The following MAP3K4 variants were observed in gnomAD, a reference collection of about 807,000 sequenced individuals.
The protein encoded by MAP3K4 is mitogen-activated protein kinase kinase kinase 4, also known as MAP three kinase 1.
Under a neutral mutation model 185.6 loss-of-function variants are expected in MAP3K4, and 67 were observed. That is an observed-to-expected ratio of 0.36 (90% CI 0.30 to 0.44). MAP3K4 has a LOEUF of 0.44. MAP3K4 is among the 20% of genes least tolerant of loss of function. The pLI is 1.00. For missense variants in MAP3K4, 1,551 were observed against 1,995.1 expected (o/e 0.78, Z 4.24); for synonymous variants, 702 against 710.4 (o/e 0.99, Z 0.19).
intron 6 of MAP3K4, among the ~76,000 whole-genome samples, 165 bp downstream of exon 6, chr6:161,081,203 G>GT (rs1314763325): frequency 4.0e-5 from 6 of 151,570 alleles, no homozygotes; most frequent in Non-Finnish European, 8.8e-5. Context: ...GTGTTTCTCA[G>GT]TCAGGGGTGA....
intron 1 of MAP3K4, among the ~76,000 whole-genome samples, chr6:161,033,002 T>C (rs1783001702): frequency 6.6e-6 from 1 of 152,170 alleles, no homozygotes; most frequent in South Asian, 2.1e-4. Flanking sequence ...TACTGTAAAT[T>C]TTTATAATTC....
In MAP3K4 at chr6:161,034,649, G is replaced by A. The variant is rs1020846753; in HGVS notation, c.343+200G>A. ...CCAGAGATAGAAACGTTTGTCCTGAGTAATGGTTAAAGCCAGCAATGCACG... is the reference window on the plus strand; with the variant it reads ...CCAGAGATAGAAACGTTTGTCCTGAATAATGGTTAAAGCCAGCAATGCACG... On this transcript the variant is annotated intron_variant, in intron 2 of 26. Coordinates refer to ENST00000392142, the MANE Select transcript of MAP3K4 (RefSeq NM_005922.4). This position sits in a 1 kb window ranked among gnomAD's most constrained non-coding sequence, Gnocchi z 4.4. 4.6e-5 allele frequency among the ~76,000 whole-genome samples: 7 copies of A among 152,112 alleles called. No individual in the cohort carries two copies. Among genetic ancestry groups the A allele is most frequent in the Non-Finnish European group, 1.0e-4 (7 of 68,030 alleles).
At chr6:161,105,509 C>G (rs1333554358) in intron 19 of MAP3K4, among the ~76,000 whole-genome samples, 5 of 152,196 alleles carry the variant, frequency 3.3e-5, no homozygotes, top group Non-Finnish European at 4.4e-5. Context: ...CATTTTGATT[C>G]TAGAGCCCTT....
chr6:160,993,061 G>C (rs1193324306), intron 1 of MAP3K4, among the ~76,000 whole-genome samples: 1 of 152,172 alleles, frequency 6.6e-6, no homozygotes, highest in Admixed American at 6.5e-5. Context: ...CCTGCTTAAA[G>C]AAAATTCACA....
chr6:161,013,860 G>A (rs1456150073), intron 1 of MAP3K4, among the ~76,000 whole-genome samples: 1 of 152,212 alleles, frequency 6.6e-6, no homozygotes, highest in Non-Finnish European at 1.5e-5. Flanking sequence ...GAAAGGGGCA[G>A]TAACTCCTGG....
In MAP3K4 at chr6:161,053,304, C is replaced by T. The variant is rs1029630490; in HGVS notation, c.1707+3325C>T. Among the ~76,000 whole-genome samples, 9 of 152,170 alleles carry T rather than the reference C, an allele frequency of 5.9e-5. No homozygotes were observed. Among genetic ancestry groups the T allele is most frequent in the Non-Finnish European group, 8.8e-5 (6 of 68,038 alleles). ...ACAGCACCAATGGGATGGTACTAAA[C>T]GGTCACCTCCCACCAGGCCCCACCC... On this transcript the variant is annotated intron_variant, in intron 3 of 26. Coordinates refer to ENST00000392142, the MANE Select transcript of MAP3K4 (RefSeq NM_005922.4). The surrounding 1 kb of genome is among the most constrained non-coding windows in gnomAD (Gnocchi z 4.2).
At position 161,070,100 on chromosome 6, in the gene MAP3K4, T is replaced by TATG. The variant is rs1784872427; in HGVS notation, c.1708-507_1708-506insTGA. On this transcript the variant is annotated intron_variant, in intron 3 of 26. Coordinates refer to ENST00000392142, the MANE Select transcript of MAP3K4 (RefSeq NM_005922.4). The surrounding 1 kb of genome is among the most constrained non-coding windows in gnomAD (Gnocchi z 4.5). ...TAATTTTTCTGTCAGCATCGTTCAT[T>TATG]ACAGCTCAGGGGAACAAATGGACAG... 6.6e-6 allele frequency among the ~76,000 whole-genome samples: 1 copy of TATG among 152,230 alleles called. No individual in the cohort carries two copies. The highest frequency in any genetic ancestry group is 2.4e-5 in the African/African-American group (1 of 41,454).
At position 161,035,058 on chromosome 6, in the gene MAP3K4, A is replaced by G. The variant is rs113907237; in HGVS notation, c.343+609A>G. Among the ~76,000 whole-genome samples the G allele has an allele frequency of 3.3e-3, 506 of 151,378 alleles. 4 individuals are homozygous for G. The highest frequency in any genetic ancestry group is 0.012 in the African/African-American group (484 of 41,188). ...GTTTCGTGCTTTTTCTTTCCCCCCA[A>G]CCTCCTTTTAGTGGGACGTAACTGT... On this transcript the variant is annotated intron_variant, in intron 2 of 26. Coordinates refer to ENST00000392142, the MANE Select transcript of MAP3K4 (RefSeq NM_005922.4).
chr6:161,043,024 C>G lies in MAP3K4; in HGVS notation c.344-5592C>G, dbSNP rs1186910069. Among the ~76,000 whole-genome samples, 1 of 152,034 alleles carries G rather than the reference C, an allele frequency of 6.6e-6. No individual in the cohort carries two copies. Among genetic ancestry groups the G allele is most frequent in the Non-Finnish European group, 1.5e-5 (1 of 68,012 alleles). ...TATATGTGTGTGTAAATGTGTGTAT[C>G]TGCTAACAGTAGTGAAATTAGAATG... On this transcript the variant is annotated intron_variant, in intron 2 of 26. Transcript: ENST00000392142. The surrounding 1 kb of genome is among the most constrained non-coding windows in gnomAD (Gnocchi z 4.3).
At chr6:161,036,352 GTTA>G (rs1231536811) in intron 2 of MAP3K4, among the ~76,000 whole-genome samples, 2 of 152,078 alleles carry the variant, frequency 1.3e-5, no homozygotes, top group Non-Finnish European at 2.9e-5. Flanking sequence ...TCCTTAATAA[GTTA>G]TTATTTTTCT....
At chr6:160,995,226 T>G (rs1780935518) in intron 1 of MAP3K4, among the ~76,000 whole-genome samples, 1 of 152,268 alleles carries the variant, frequency 6.6e-6, no homozygotes, top group South Asian at 2.1e-4. Flanking sequence ...TTCTTATGTT[T>G]GTTGAAAATG....
At chr6:161,059,439 A>G (rs1784390756) in intron 3 of MAP3K4, among the ~76,000 whole-genome samples, 1 of 152,126 alleles carries the variant, frequency 6.6e-6, no homozygotes, top group Admixed American at 6.6e-5. Context: ...CACCCGACCT[A>G]AATCTTTCTC....
Position 161,053,637 on chromosome 6 carries a change from G to A in MAP3K4, c.1707+3658G>A, listed in dbSNP as rs1243274113. Among the ~76,000 whole-genome samples the A allele has an allele frequency of 6.6e-6, 1 of 152,150 alleles. No individual in the cohort carries two copies. Among genetic ancestry groups the A allele is most frequent in the African/African-American group, 2.4e-5 (1 of 41,406 alleles). ...GACAAAGTCTCATTCTGTTTCCTAG[G>A]CTGGAGTGTAATGGGAAGATCTCGG... On this transcript the variant is annotated intron_variant, in intron 3 of 26. Coordinates refer to ENST00000392142, the MANE Select transcript of MAP3K4 (RefSeq NM_005922.4). The surrounding 1 kb of genome is among the most constrained non-coding windows in gnomAD (Gnocchi z 4.2).
In MAP3K4 at chr6:161,056,701, C is replaced by T. The variant is rs1469347214; in HGVS notation, c.1707+6722C>T. Among the ~76,000 whole-genome samples, 3 of 152,170 alleles carry T rather than the reference C, an allele frequency of 2.0e-5. No homozygotes were observed. Among genetic ancestry groups the T allele is most frequent in the Non-Finnish European group, 4.4e-5 (3 of 68,028 alleles). On this transcript the variant is annotated intron_variant, in intron 3 of 26. Coordinates refer to ENST00000392142, the MANE Select transcript of MAP3K4 (RefSeq NM_005922.4). This position sits in a 1 kb window ranked among gnomAD's most constrained non-coding sequence, Gnocchi z 5.4. ...TCAGTCAAGTTCCTTTTGTCTTTAG[C>T]CTTTTATAGTCAAAACACTATTCTC...
Position 161,010,162 on chromosome 6 carries a change from A to G in MAP3K4, c.152+18079A>G, listed in dbSNP as rs111522096. Among the ~76,000 whole-genome samples, 1,160 of 152,280 alleles carry G rather than the reference A, an allele frequency of 7.6e-3. 15 individuals are homozygous for G. The highest frequency in any genetic ancestry group is 0.027 in the African/African-American group (1,110 of 41,534). ...ATTCATGTATCCTCTTGACTGTACTACTTGAGAGTAGTAACTATTATCATA... is the reference window on the plus strand; with the variant it reads ...ATTCATGTATCCTCTTGACTGTACTGCTTGAGAGTAGTAACTATTATCATA... On this transcript the variant is annotated intron_variant, in intron 1 of 26. Transcript: ENST00000392142.
chr6:161,034,577 T>TA lies in MAP3K4; in HGVS notation c.343+128_343+129insA. On this transcript the variant is annotated intron_variant, in intron 2 of 26. Coordinates refer to ENST00000392142, the MANE Select transcript of MAP3K4 (RefSeq NM_005922.4). This position sits in a 1 kb window ranked among gnomAD's most constrained non-coding sequence, Gnocchi z 4.4. The stretch of plus-strand genomic sequence containing the variant: ...TAATGCTCCTGTAAAGTTCAATTTT[T>TA]TTTTGAATTATTACCATTAGTATTA... 1.3e-6 allele frequency: 1 copy of TA among 759,964 alleles called. No homozygotes were observed. The highest frequency in any genetic ancestry group is 2.3e-5 in the South Asian group (1 of 44,304). 47.1% of individuals were successfully genotyped at this position (759,964 alleles called of 1,614,324 possible).
At position 161,108,877 on chromosome 6, in the gene MAP3K4, C is replaced by T. The variant is rs1778223166; in HGVS notation, c.4236+18C>T. ...TCCATAGAGTAAGCCGACCCTAATG[C>T]CACTCTTTGTGTGAGGAATCAGTGA... On this transcript the variant is annotated intron_variant, in intron 22 of 26. Coordinates refer to ENST00000392142, the MANE Select transcript of MAP3K4 (RefSeq NM_005922.4). The surrounding 1 kb of genome is among the most constrained non-coding windows in gnomAD (Gnocchi z 5.7). 2.5e-6 allele frequency: 4 copies of T among 1,599,448 alleles called. No homozygotes were observed. Among genetic ancestry groups the T allele is most frequent in the Non-Finnish European group, 3.4e-6 (4 of 1,166,766 alleles).
At position 161,107,046 on chromosome 6, in the gene MAP3K4, G is replaced by GCA. The variant is rs1229616872; in HGVS notation, c.4048+342_4048+343insAC. 2.3e-4 allele frequency among the ~76,000 whole-genome samples: 24 copies of GCA among 106,560 alleles called. No homozygotes were observed. Among genetic ancestry groups the GCA allele is most frequent in the Non-Finnish European group, 3.1e-4 (16 of 50,946 alleles). The allele number at this position is 106,560 out of a possible 152,430, so 69.9% of individuals were successfully genotyped here. ...TTTCTCTCTCTCTCTCTACACACGCGCGCGCACACACACACACACACACAC... is the reference window on the plus strand; with the variant it reads ...TTTCTCTCTCTCTCTCTACACACGCGCACGCGCACACACACACACACACACAC... On this transcript the variant is annotated intron_variant, in intron 20 of 26. Coordinates refer to ENST00000392142, the MANE Select transcript of MAP3K4 (RefSeq NM_005922.4). This position sits in a 1 kb window ranked among gnomAD's most constrained non-coding sequence, Gnocchi z 6.2.
intron 11 of MAP3K4, among the ~76,000 whole-genome samples, chr6:161,089,672 T>G (rs937514805): frequency 1.3e-5 from 2 of 152,196 alleles, no homozygotes; most frequent in African/African-American, 2.4e-5. Flanking sequence ...ACTTTATAAT[T>G]GGAAAGGATA....
Sources: allele counts gnomAD v4.1 joint callset (sites outside exome capture counted in the v4.1 genomes callset), GRCh38; gene constraint gnomAD v4.1.1; non-coding constraint Gnocchi (gnomAD v3.1); transcripts MANE v1.5; gene names NCBI Gene and HGNC (gene_info 2026-07-23, HGNC 2026-07-21).